FOXK2: variants seen among roughly 807,000 people sequenced by gnomAD.
The protein encoded by FOXK2 is forkhead box protein K2.
Under a neutral mutation model 53.3 loss-of-function variants are expected in FOXK2, and 24 were observed. That is an observed-to-expected ratio of 0.45 (90% CI 0.33 to 0.63). The LOEUF is 0.63. FOXK2 is among the 30% of genes least tolerant of loss of function. FOXK2 has a pLI of 0.03. For synonymous variants in FOXK2, 505 were observed against 407.1 expected (o/e 1.24, Z -2.89); for missense variants, 952 against 910.5 (o/e 1.05, Z -0.59).
chr17:82,531,609 A>G (rs941710838), intron 1 of FOXK2, among the ~76,000 whole-genome samples: 1 of 152,230 alleles, frequency 6.6e-6, no homozygotes, highest in Non-Finnish European at 1.5e-5. Flanking sequence ...CTTAAGCAAC[A>G]TGTGACTGTA....
Position 82,582,820 on chromosome 17 carries a change from C to G in FOXK2, c.989C>G (p.Ser330Trp). 6.2e-7 allele frequency: 1 copy of G among 1,612,784 alleles called. No individual in the cohort carries two copies. The highest frequency in any genetic ancestry group is 8.5e-7 in the Non-Finnish European group (1 of 1,179,622). Reference protein sequence around the residue: ...PRSQEEPGKGSFWRIDPASES... With the variant: ...PRSQEEPGKGWFWRIDPASES... ...TCCCAGGAAGAACCAGGCAAAGGCTCGTTCTGGAGGATAGACCCAGCCTCT... is the reference window on the plus strand; with the variant it reads ...TCCCAGGAAGAACCAGGCAAAGGCTGGTTCTGGAGGATAGACCCAGCCTCT... The change falls in exon 5 of 9, where the codon TCG becomes TGG. Residue 330 changes from serine (S) to tryptophan (W), a missense_variant. By Grantham distance (177) the Ser-to-Trp change is radical (BLOSUM62 -3). This residue lies in a region of FOXK2 where 160 missense variants were observed against 214.2 expected (regional missense o/e 0.75). Coordinates refer to ENST00000335255, the MANE Select transcript of FOXK2 (RefSeq NM_004514.4).
At chr17:82,570,086 T>G (rs534317914) in intron 3 of FOXK2, among the ~76,000 whole-genome samples, 236 of 147,770 alleles carry the variant, frequency 1.6e-3, no homozygotes, top group East Asian at 5.5e-3. Flanking sequence ...GCTGGGCGTG[T>G]TGGCAGGCGC....
At chr17:82,557,489 G>A (rs547415090) in intron 1 of FOXK2, among the ~76,000 whole-genome samples, 181 of 151,722 alleles carry the variant, frequency 1.2e-3, no homozygotes, top group African/African-American at 4.0e-3. Context: ...GATTACATGC[G>A]CGTGCCACCA....
rs1285724279 is a variant in FOXK2 at position 82,601,530 on chromosome 17, A to G, written c.*31A>G. ...GGGAGAGCTTTTCTTTAACGATATC[A>G]ACTCTGTGGTGCCAAAAGGAGACGC... On this transcript the variant is annotated 3_prime_UTR_variant, in exon 9 of 9. Transcript: ENST00000335255. 4.5e-6 allele frequency: 7 copies of G among 1,570,398 alleles called. No individual in the cohort carries two copies. Among genetic ancestry groups the G allele is most frequent in the Non-Finnish European group, 6.1e-6 (7 of 1,156,636 alleles).
At chr17:82,600,377 T>TGA (rs1403838917) in intron 8 of FOXK2, 1 of 151,914 alleles carries the variant, frequency 6.6e-6, no homozygotes, top group African/African-American at 2.4e-5. Flanking sequence ...GGGGAAAGAG[T>TGA]CAGTGCTGGA....
At chr17:82,586,964 A>G in intron 7 of FOXK2, 99 bp from the exon 8 acceptor site, 1 of 1,043,968 alleles carries the variant, frequency 9.6e-7, no homozygotes, top group Non-Finnish European at 1.5e-6. Flanking sequence ...GACATTTTCT[A>G]GCAGGTGTGA....
intron 1 of FOXK2, among the ~76,000 whole-genome samples, chr17:82,542,986 C>G (rs2044588708): frequency 6.6e-6 from 1 of 152,172 alleles, no homozygotes; most frequent in Non-Finnish European, 1.5e-5. Flanking sequence ...GAGTGAAACC[C>G]TGTATAAATG....
chr17:82,595,807 A>G lies in FOXK2; in HGVS notation c.1787-5496A>G, dbSNP rs951677390. ...GGCCCCTTGGCCTCAGAAGGCCCCCATGTGCCAGCTCAGACTGGAGTTGCC... is the reference window on the plus strand; with the variant it reads ...GGCCCCTTGGCCTCAGAAGGCCCCCGTGTGCCAGCTCAGACTGGAGTTGCC... On this transcript the variant is annotated intron_variant, in intron 8 of 8. Coordinates refer to ENST00000335255, the MANE Select transcript of FOXK2 (RefSeq NM_004514.4). The G allele has an allele frequency of 3.0e-5, 39 of 1,289,590 alleles. 1 individual carries two copies. The highest frequency in any genetic ancestry group is 3.8e-5 in the Non-Finnish European group (38 of 988,828). 79.9% of individuals were successfully genotyped at this position (1,289,590 alleles called of 1,614,324 possible).
chr17:82,584,843 C>T (rs950972733), intron 6 of FOXK2, among the ~76,000 whole-genome samples: 10 of 152,328 alleles, frequency 6.6e-5, no homozygotes, highest in East Asian at 5.8e-4. Flanking sequence ...TGAGCCACCA[C>T]GCCCAGCCTA....
intron 1 of FOXK2, among the ~76,000 whole-genome samples, chr17:82,552,301 C>T (rs1003374710): frequency 1.4e-4 from 22 of 152,206 alleles, no homozygotes; most frequent in African/African-American, 3.4e-4. Context: ...TCACCAAACC[C>T]GCATGTTCAG....
chr17:82,569,730 G>A (rs2044892485), intron 3 of FOXK2, among the ~76,000 whole-genome samples: 1 of 152,224 alleles, frequency 6.6e-6, no homozygotes, highest in African/African-American at 2.4e-5. Flanking sequence ...GACGTAGCGG[G>A]CAGTGTGGCA....
At chr17:82,555,518 G>A (rs556334599) in intron 1 of FOXK2, among the ~76,000 whole-genome samples, 3 of 152,086 alleles carry the variant, frequency 2.0e-5, no homozygotes, top group East Asian at 1.9e-4. Flanking sequence ...ATCTTGTTTC[G>A]AATGTAACCT....
chr17:82,538,821 G>A (rs1001946434), intron 1 of FOXK2, among the ~76,000 whole-genome samples: 2 of 152,172 alleles, frequency 1.3e-5, no homozygotes, highest in African/African-American at 4.8e-5. Flanking sequence ...GAAGGGACTT[G>A]TACCCTACGC....
intron 8 of FOXK2, among the ~76,000 whole-genome samples, chr17:82,598,529 T>C (rs530785729): frequency 1.3e-5 from 2 of 152,286 alleles, no homozygotes; most frequent in African/African-American, 2.4e-5. Context: ...CAGAAACGGA[T>C]TGGCTTGCAG....
intron 1 of FOXK2, among the ~76,000 whole-genome samples, chr17:82,542,772 T>C (rs1205098754): frequency 2.6e-5 from 4 of 152,060 alleles, no homozygotes; most frequent in African/African-American, 9.7e-5. Context: ...TGCCCAGTAC[T>C]TTGGGAGACT....
chr17:82,556,115 A>T (rs1345737490), intron 1 of FOXK2, among the ~76,000 whole-genome samples: 1 of 152,154 alleles, frequency 6.6e-6, no homozygotes, highest in Admixed American at 6.5e-5. Flanking sequence ...TTTTACACAC[A>T]GGAACTCTCA....
At chr17:82,561,014 G>GT (rs1357366134) in intron 1 of FOXK2, among the ~76,000 whole-genome samples, 1 of 152,168 alleles carries the variant, frequency 6.6e-6, no homozygotes, top group Admixed American at 6.5e-5. Context: ...GCCTCCCAAA[G>GT]TGCTAGGATT....
intron 1 of FOXK2, among the ~76,000 whole-genome samples, chr17:82,525,015 G>A (rs1323197465): frequency 2.0e-5 from 3 of 148,282 alleles, no homozygotes; most frequent in African/African-American, 2.5e-5. Flanking sequence ...TCTGTCTGTC[G>A]CCCAGGCTGG....
In FOXK2 at chr17:82,568,077, GC is replaced by G; in HGVS notation, c.643del (p.Arg215GlyfsTer13). The G allele has an allele frequency of 6.2e-7, 1 of 1,610,450 alleles. No homozygotes were observed. Among genetic ancestry groups the G allele is most frequent in the Non-Finnish European group, 8.5e-7 (1 of 1,179,232 alleles). Reference sequence around the variant, plus strand: ...AGCGCTGCAAACTCCTGCCCCTCCAGCCCCCGGGGAGCGGGGTCTTCAGGGT... The same window carrying G: ...AGCGCTGCAAACTCCTGCCCCTCCAGCCCCGGGGAGCGGGGTCTTCAGGGT... ...TISAANSCPS[S>X]PRGAGSSGYK... On this transcript the variant is annotated frameshift_variant, in exon 3 of 9. Coordinates refer to ENST00000335255, the MANE Select transcript of FOXK2 (RefSeq NM_004514.4). LOFTEE classifies it high-confidence loss of function.
Sources: gnomAD v4.1 joint callset for allele counts (sites outside exome capture counted in the v4.1 genomes callset) on GRCh38, gnomAD v4.1.1 for gene constraint, gnomAD v4.1.1 regional missense constraint, MANE v1.5 for transcripts, NCBI Gene and HGNC (gene_info 2026-07-23, HGNC 2026-07-21) for gene names.